Variants in NPAT observed in about 807,000 individuals in gnomAD.
The protein encoded by NPAT is nuclear protein, coactivator of histone transcription.
A neutral mutation model predicts 130.7 loss-of-function variants in NPAT; 52 were observed. The ratio of observed to expected loss-of-function variants is 0.40; its 90% CI spans 0.32 to 0.50. The LOEUF is 0.50. Ranked by LOEUF, NPAT falls within the 20% of genes least tolerant of loss-of-function variation. The pLI is 0.68. For missense variants in NPAT, 1,687 were observed against 1,662.6 expected, an observed-to-expected ratio of 1.01 and a Z score of -0.26; for synonymous variants, 580 against 584.8, an observed-to-expected ratio of 0.99 and a Z score of 0.12.
chr11:108,165,447 T>A (rs1035797789), intron 15 of NPAT, among the ~76,000 whole-genome samples: 2 of 130,388 alleles, frequency 1.5e-5, no homozygotes, highest in African/African-American at 5.7e-5. Context: ...CACACACATA[T>A]GTATTTATAT....
In NPAT at chr11:108,173,750, C is replaced by A. The variant is rs758724995; in HGVS notation, c.1234G>T (p.Asp412Tyr). Residue 412 changes from aspartate (D) to tyrosine (Y), a missense_variant, in exon 13 of 18, where the codon GAC becomes TAC. This residue lies in a region of NPAT where 1,379 missense variants were observed against 1,346.6 expected (regional missense o/e 1.02). Transcript: ENST00000278612. The stretch of plus-strand genomic sequence containing the variant: ...CTTATTTGGGAAAAATTTTCCTGGT[C>A]TTCTTGTCTAAGCACATCATGGTTG... ...SNNHDVLRQEDQENFSQISTS... is the reference protein window; with the variant it reads ...SNNHDVLRQEYQENFSQISTS... 11 of 1,613,944 alleles carry A rather than the reference C, an allele frequency of 6.8e-6. No homozygotes were observed. Among genetic ancestry groups the A allele is most frequent in the Middle Eastern group, 1.6e-4 (1 of 6,084 alleles).
In NPAT at chr11:108,170,045, T is replaced by G; in HGVS notation, c.2786-2A>C. 1 of 1,578,864 alleles carries G rather than the reference T, an allele frequency of 6.3e-7. No homozygotes were observed. Among genetic ancestry groups the G allele is most frequent in the South Asian group, 1.1e-5 (1 of 90,320 alleles). ...GAGAGGCAATTATTATGGCAGATCC[T>G]AAAAAAACAATTCTTGTTAAAAAAA... On this transcript the variant is annotated splice_acceptor_variant, in intron 13 of 17. Transcript: ENST00000278612. LOFTEE classifies it high-confidence loss of function.
At chr11:108,163,000 A>T (rs1052682968) in intron 15 of NPAT, among the ~76,000 whole-genome samples, 2 of 152,244 alleles carry the variant, frequency 1.3e-5, no homozygotes, top group African/African-American at 2.4e-5. Context: ...AAGAGCAAAG[A>T]TGAGATTATG....
Position 108,172,678 on chromosome 11 carries a change from G to C in NPAT, c.2306C>G (p.Pro769Arg). ...AGTAGGAGAAGACAAGATTATAGTTGGCAGGTTTTCTCCATTAATACTAGA... is the reference window on the plus strand; with the variant it reads ...AGTAGGAGAAGACAAGATTATAGTTCGCAGGTTTTCTCCATTAATACTAGA... ...AVSSINGENLPTIILSSPTKS... is the reference protein window; with the variant it reads ...AVSSINGENLRTIILSSPTKS... Residue 769 changes from proline to arginine, a missense_variant, in exon 13 of 18, where the codon CCA (proline) becomes CGA (arginine). Transcript: ENST00000278612. The C allele has an allele frequency of 6.2e-7, 1 of 1,613,824 alleles. No individual in the cohort carries two copies. The highest frequency in any genetic ancestry group is 8.5e-7 in the Non-Finnish European group (1 of 1,179,952).
Position 108,193,968 on chromosome 11 carries a change from A to G in NPAT, c.206T>C (p.Met69Thr), listed in dbSNP as rs1238772876. Residue 69 changes from methionine (M) to threonine (T), a missense_variant, in exon 3 of 18, where the codon ATG becomes ACG. Physicochemically the swap from Met to Thr is moderately conservative, Grantham distance 81 (BLOSUM62 -1). Coordinates refer to ENST00000278612, the MANE Select transcript of NPAT (RefSeq NM_002519.3). ...ATCAGAACTCTTACCTTTTGTTTTC[A>G]TAGCTACATACTCATTTAAAATTGT... ...LTTILNEYVA[M>T]KTKETSNNVP... 5 of 1,572,816 alleles carry G rather than the reference A, an allele frequency of 3.2e-6. No homozygotes were observed. Among genetic ancestry groups the G allele is most frequent in the East Asian group, 2.2e-5 (1 of 44,574 alleles).
Position 108,192,136 on chromosome 11 carries a change from T to C in NPAT, c.272A>G (p.His91Arg). The C allele has an allele frequency of 6.2e-7, 1 of 1,603,014 alleles. No homozygotes were observed. Among genetic ancestry groups the C allele is most frequent in the Non-Finnish European group, 8.5e-7 (1 of 1,169,984 alleles). ...TTATTACCTGATCTGAGAAAGTGTA[T>C]GGTCCAATTTCTTCCATAGAGATGA... ...IMSSLWKKLDHTLSQIRSMQS... is the reference protein window; with the variant it reads ...IMSSLWKKLDRTLSQIRSMQS... The change falls in exon 4 of 18, where the codon CAT becomes CGT. Residue 91 changes from histidine to arginine, a missense_variant. By Grantham distance (29) the His-to-Arg change is conservative. Around this residue, in one of 3 missense-constraint regions of NPAT, gnomAD observed 307 missense variants for 298.9 expected, o/e 1.03. Coordinates refer to ENST00000278612, the MANE Select transcript of NPAT (RefSeq NM_002519.3).
intron 10 of NPAT, among the ~76,000 whole-genome samples, chr11:108,183,210 C>T (rs2078073939): frequency 6.6e-6 from 1 of 152,040 alleles, no homozygotes; most frequent in Non-Finnish European, 1.5e-5. Flanking sequence ...TGGTCTTGAA[C>T]CTCTGGGCTC....
Position 108,161,564 on chromosome 11 carries a change from A to G in NPAT, c.3522T>C (p.Asp1174=). 1 of 1,614,204 alleles carries G rather than the reference A, an allele frequency of 6.2e-7. No homozygotes were observed. ...TTTCTGGATTTTTCTGTCTTTCTAC[A>G]TCGCTGCATAATTCATTCTCCTTAT... ...TANKENELCS[D]VERQKNPENS... Residue 1174 remains aspartate (D), a synonymous_variant, in exon 17 of 18, where the codon GAT becomes GAC. Transcript: ENST00000278612.
chr11:108,172,878 A>T lies in NPAT; in HGVS notation c.2106T>A (p.Pro702=). ...GTPVENSHSL[P]PESVCSSVGD... ...CCACTGAAGAACACACAGATTCTGG[A>T]GGAAGAGAGTGACTGTTTTCTACAG... Residue 702 remains proline, a synonymous_variant, in exon 13 of 18, where the codon CCT becomes CCA. Transcript: ENST00000278612. 2 of 1,614,086 alleles carry T rather than the reference A, an allele frequency of 1.2e-6. No individual in the cohort carries two copies. The highest frequency in any genetic ancestry group is 1.7e-6 in the Non-Finnish European group (2 of 1,180,030).
chr11:108,172,465 G>A lies in NPAT; in HGVS notation c.2519C>T (p.Thr840Ile), dbSNP rs1284465193. 1 of 1,614,174 alleles carries A rather than the reference G, an allele frequency of 6.2e-7. No individual in the cohort carries two copies. Among genetic ancestry groups the A allele is most frequent in the Non-Finnish European group, 8.5e-7 (1 of 1,180,012 alleles). ...EDGIAFSANV[T>I]PCVSKDGGYI... ...TCCTCCATCCTTGGAAACACATGGT[G>A]TAACATTAGCTGAAAAAGCAATGCC... is the stretch of plus-strand genomic sequence containing the variant. Residue 840 changes from threonine to isoleucine, a missense_variant, in exon 13 of 18, where the codon ACA (threonine) becomes ATA (isoleucine). Around this residue, in one of 3 missense-constraint regions of NPAT, gnomAD observed 1,379 missense variants for 1,346.6 expected, o/e 1.02. Coordinates refer to ENST00000278612, the MANE Select transcript of NPAT (RefSeq NM_002519.3).
At chr11:108,217,248 T>C (rs551769146) in intron 1 of NPAT, among the ~76,000 whole-genome samples, 2 of 152,344 alleles carry the variant, frequency 1.3e-5, no homozygotes, top group African/African-American at 4.8e-5. Context: ...CCTTGCACCC[T>C]AAGCTGCTGG....
chr11:108,186,267 T>C (rs2078107409), intron 8 of NPAT, among the ~76,000 whole-genome samples: 2 of 152,162 alleles, frequency 1.3e-5, no homozygotes, highest in Admixed American at 1.3e-4. Flanking sequence ...TCTGCCCACC[T>C]CAGCTTCCCA....
At chr11:108,194,110 A>G in intron 2 of NPAT, 93 bp from the exon 3 acceptor site, 1 of 740,124 alleles carries the variant, frequency 1.4e-6, no homozygotes, top group African/African-American at 1.8e-5. Flanking sequence ...TTAATAAAAG[A>G]TCTGACTGCA....
chr11:108,168,917 A>C (rs1417236057), intron 15 of NPAT, among the ~76,000 whole-genome samples: 1 of 152,220 alleles, frequency 6.6e-6, no homozygotes, highest in Non-Finnish European at 1.5e-5. Flanking sequence ...AAATGTATGC[A>C]CATATGTCAC....
intron 17 of NPAT, among the ~76,000 whole-genome samples, chr11:108,159,677 C>T (rs1010528029): frequency 2.0e-5 from 3 of 152,094 alleles, no homozygotes; most frequent in Non-Finnish European, 4.4e-5. Flanking sequence ...TTTATCAATG[C>T]TATCCCTGCA....
intron 1 of NPAT, 155 bp downstream of exon 1, chr11:108,222,345 A>G: frequency 3.7e-6 from 3 of 802,360 alleles, no homozygotes; most frequent in Non-Finnish European, 6.4e-6. Context: ...ACTGCCCAGA[A>G]CCTCCGAATG....
chr11:108,210,079 GAAA>G lies in NPAT; in HGVS notation c.37+12418_37+12420del, dbSNP rs931523489. Among the ~76,000 whole-genome samples the G allele has an allele frequency of 5.0e-5, 7 of 140,486 alleles. No homozygotes were observed. The South Asian group carries it at 1.1e-3, about 23-fold the overall frequency. The allele number at this position is 140,486 out of a possible 152,430, so 92.2% of individuals were successfully genotyped here. On this transcript the variant is annotated intron_variant, in intron 1 of 17. Transcript: ENST00000278612. ...TGACAATTCTGTAGCTAGACCAACCGAAAAAAAAAAGAGAATACTCAAATTATA... is the reference window on the plus strand; with the variant it reads ...TGACAATTCTGTAGCTAGACCAACCGAAAAAAAGAGAATACTCAAATTATA...
rs1565303375 is a variant in NPAT, at chr11:108,158,219, T to TAA, written c.*721_*722dup. ...TTTATGGCTCAATAGTCTAACCACT[T>TAA]AAAGTTCTGTAAAAAATCTTAAGTT... On this transcript the variant is annotated 3_prime_UTR_variant, in exon 18 of 18. Coordinates refer to ENST00000278612, the MANE Select transcript of NPAT (RefSeq NM_002519.3). 1 of 152,468 alleles carries TAA rather than the reference T, an allele frequency of 6.6e-6. No homozygotes were observed. Among genetic ancestry groups the TAA allele is most frequent in the Non-Finnish European group, 1.5e-5 (1 of 67,932 alleles). 9.4% of individuals were successfully genotyped at this position (152,468 alleles called of 1,614,324 possible).
At position 108,186,546 on chromosome 11, in the gene NPAT, G is replaced by A. The variant is rs1316344195; in HGVS notation, c.662C>T (p.Thr221Ile). The A allele has an allele frequency of 3.1e-6, 5 of 1,613,854 alleles. No homozygotes were observed. The East Asian group carries it at 1.1e-4, about 36-fold the overall frequency. ...RKSESQRKSTTLSGPHSTIRN... is the reference protein window; with the variant it reads ...RKSESQRKSTILSGPHSTIRN... ...TATTGTTGAATGAGGGCCAGACAAA[G>A]TGGTACTTTTTCTCTGAGATTCACT... Residue 221 changes from threonine to isoleucine, a missense_variant, in exon 8 of 18, where the codon ACT (threonine) becomes ATT (isoleucine). By Grantham distance (89) the Thr-to-Ile change is moderately conservative. Transcript: ENST00000278612.
Sources: allele counts gnomAD v4.1 joint callset (sites outside exome capture counted in the v4.1 genomes callset), GRCh38; gene constraint gnomAD v4.1.1; regional missense constraint gnomAD v4.1.1; transcripts MANE v1.5; gene names NCBI Gene and HGNC (gene_info 2026-07-23, HGNC 2026-07-21).